CACNA1E: variants seen among roughly 807,000 people sequenced by gnomAD.
CACNA1E encodes calcium voltage-gated channel subunit alpha1 E.
In CACNA1E, 40 loss-of-function variants were observed where a neutral mutation model predicts 259.2. The observed-to-expected ratio is 0.15, with a 90% CI of 0.12 to 0.20. The LOEUF (loss-of-function observed/expected upper bound fraction) is 0.20. Among genes scored for constraint, CACNA1E ranks in the 10% least tolerant of loss-of-function variants. The probability of loss-of-function intolerance (pLI) is 1.00; values close to 1 mark genes in which losing one functional copy is unlikely to be tolerated. For missense variants in CACNA1E, 1,874 were observed against 3,040.1 expected (o/e 0.62, Z 9.02); for synonymous variants, 1,104 against 1,138.5 (o/e 0.97, Z 0.61).
intron 3 of CACNA1E, among the ~76,000 whole-genome samples, chr1:181,517,378 C>T (rs1021006382): frequency 6.6e-5 from 10 of 152,104 alleles, no homozygotes; most frequent in African/African-American, 2.4e-4. Context: ...CCAGTCTAGG[C>T]CATTCTGAGT....
intron 3 of CACNA1E, among the ~76,000 whole-genome samples, chr1:181,566,348 G>T (rs1034399164): frequency 1.3e-5 from 2 of 152,102 alleles, no homozygotes; most frequent in African/African-American, 4.8e-5. Flanking sequence ...ATGGAACAGG[G>T]CTATATAAAC....
intron 1 of CACNA1E, among the ~76,000 whole-genome samples, chr1:181,390,831 A>G (rs912994867): frequency 4.1e-4 from 63 of 152,290 alleles, no homozygotes; most frequent in African/African-American, 1.5e-3. Flanking sequence ...CTATGTAATT[A>G]TAGTGTGTCT....
intron 1 of CACNA1E, among the ~76,000 whole-genome samples, chr1:181,497,599 G>A (rs572225265): frequency 5.4e-4 from 82 of 152,254 alleles, no homozygotes; most frequent in Non-Finnish European, 9.0e-4. Flanking sequence ...ATCCAACCCC[G>A]GGTGAAGTGG....
intron 3 of CACNA1E, among the ~76,000 whole-genome samples, chr1:181,545,860 C>A (rs368442617): frequency 6.6e-6 from 1 of 152,284 alleles, no homozygotes; most frequent in East Asian, 1.9e-4. Context: ...GCCCCAAGTC[C>A]AAACACTTTC....
At chr1:181,321,056 C>T (rs1347274692) in intron 1 of CACNA1E, among the ~76,000 whole-genome samples, 1 of 151,982 alleles carries the variant, frequency 6.6e-6, no homozygotes, top group East Asian at 1.9e-4. Context: ...GAGGGAGAAG[C>T]AAGAGAGAAG....
At chr1:181,651,262 G>A in intron 6 of CACNA1E, 76 bp from the exon 7 acceptor site, 1 of 939,776 alleles carries the variant, frequency 1.1e-6, no homozygotes, top group Non-Finnish European at 1.7e-6. Context: ...ATCACCCTCT[G>A]TGCAGCTGCA....
chr1:181,752,129 C>A lies in CACNA1E; in HGVS notation c.3732-14C>A. On this transcript the variant is annotated splice_polypyrimidine_tract_variant and intron_variant, in intron 26 of 47. Coordinates refer to ENST00000367573, the MANE Select transcript of CACNA1E (RefSeq NM_001205293.3). ...CCCATTCCATATGATTCCCTGGGGG[C>A]CTCTCCCCTGCAGAACCAACAAAGG... 6.3e-7 allele frequency: 1 copy of A among 1,580,476 alleles called. No homozygotes were observed. The highest frequency in any genetic ancestry group is 8.7e-7 in the Non-Finnish European group (1 of 1,149,330).
At chr1:181,680,845 C>T (rs1572580186) in intron 7 of CACNA1E, among the ~76,000 whole-genome samples, 1 of 152,320 alleles carries the variant, frequency 6.6e-6, no homozygotes, top group East Asian at 1.9e-4. Context: ...CACTCCCTCC[C>T]AGCATCAGTA....
intron 1 of CACNA1E, among the ~76,000 whole-genome samples, chr1:181,497,175 C>A (rs1200823989): frequency 6.6e-6 from 1 of 152,144 alleles, no homozygotes. Context: ...TAACCTCTTT[C>A]CCTGGCGATG....
chr1:181,709,435 C>T (rs1260953290), intron 7 of CACNA1E, among the ~76,000 whole-genome samples: 3 of 152,214 alleles, frequency 2.0e-5, no homozygotes, highest in African/African-American at 7.2e-5. Context: ...CCCAAGGACA[C>T]CAGCTCTATT....
chr1:181,732,621 C>A lies in CACNA1E; in HGVS notation c.2535C>A (p.Phe845Leu), dbSNP rs771030074. The A allele has an allele frequency of 6.7e-7, 1 of 1,486,348 alleles. No homozygotes were observed. The highest frequency in any genetic ancestry group is 8.9e-7 in the Non-Finnish European group (1 of 1,118,674). The allele number at this position is 1,486,348 out of a possible 1,614,324, so 92.1% of individuals were successfully genotyped here. The change falls in exon 20 of 48, where the codon TTC becomes TTA. Residue 845 changes from phenylalanine to leucine, a missense_variant. Transcript: ENST00000367573. The surrounding 1 kb of genome is among the most constrained non-coding windows in gnomAD (Gnocchi z 5.5). ...CCCTGGGCCTGGCCCTGGAGAAGTT[C>A]GAGGAGGAGCGCATCAGCCGTGGGG... ...GLALGLALEK[F>L]EEERISRGGS...
intron 2 of CACNA1E, among the ~76,000 whole-genome samples, chr1:181,471,495 A>G (rs973439400): frequency 1.2e-4 from 18 of 152,182 alleles, no homozygotes; most frequent in African/African-American, 4.3e-4. Context: ...AGCCTTCCAC[A>G]GATGTTGGTT....
At chr1:181,736,783 G>A (rs1466415770) in intron 22 of CACNA1E, among the ~76,000 whole-genome samples, 5 of 152,204 alleles carry the variant, frequency 3.3e-5, no homozygotes. Context: ...GAAGTGGATA[G>A]AGCCAAGAAT....
At chr1:181,733,107 C>T in intron 20 of CACNA1E, 73 bp downstream of exon 20, 1 of 1,447,748 alleles carries the variant, frequency 6.9e-7, no homozygotes, top group South Asian at 1.5e-5. Context: ...ATAAGCCTTT[C>T]TGAGCTCCAG....
intron 7 of CACNA1E, among the ~76,000 whole-genome samples, chr1:181,663,270 A>G (rs1035720337): frequency 1.3e-5 from 2 of 152,204 alleles, no homozygotes; most frequent in Admixed American, 6.5e-5. Flanking sequence ...CAGCCTTATG[A>G]GGCAGGTACT....
intron 18 of CACNA1E, 49 bp from the exon 19 acceptor site, chr1:181,731,126 G>A (rs769053382): frequency 6.1e-6 from 9 of 1,479,392 alleles, no homozygotes; most frequent in Non-Finnish European, 7.6e-6. Context: ...TGGGGCTTGA[G>A]GTTCCTAGAG....
chr1:181,398,627 G>A (rs560406550), intron 1 of CACNA1E, among the ~76,000 whole-genome samples: 7 of 152,318 alleles, frequency 4.6e-5, no homozygotes, highest in African/African-American at 1.7e-4. Context: ...GGAGCAGGGT[G>A]TGCGGAGTGC....
chr1:181,397,851 A>G (rs963585044), intron 1 of CACNA1E, among the ~76,000 whole-genome samples: 2 of 152,094 alleles, frequency 1.3e-5, no homozygotes, highest in Non-Finnish European at 2.9e-5. Context: ...GGTTCTCAAA[A>G]TGCTTTTACC....
chr1:181,685,229 A>ATT (rs1313406390), intron 7 of CACNA1E, among the ~76,000 whole-genome samples: 2 of 72,408 alleles, frequency 2.8e-5, no homozygotes, highest in Non-Finnish European at 5.8e-5. Flanking sequence ...CCCACCTTTA[A>ATT]GTTTTTTTTT....
Sources: gnomAD v4.1 joint callset for allele counts (sites outside exome capture counted in the v4.1 genomes callset) on GRCh38, gnomAD v4.1.1 for gene constraint, Gnocchi (gnomAD v3.1) non-coding constraint, MANE v1.5 for transcripts, NCBI Gene and HGNC (gene_info 2026-07-23, HGNC 2026-07-21) for gene names.